The following SPAST variants were observed in gnomAD, a reference collection of about 807,000 sequenced individuals.
SPAST encodes the protein spastin, also known as spastic paraplegia 4 (autosomal dominant; spastin).
A neutral mutation model predicts 76.6 loss-of-function variants in SPAST; 30 were observed. The ratio of observed to expected loss-of-function variants is 0.39; its 90% CI spans 0.29 to 0.53. The LOEUF is 0.53. Ranked by LOEUF, SPAST falls within the 20% of genes least tolerant of loss-of-function variation. SPAST has a pLI of 0.68. For missense variants in SPAST, 717 were observed against 770.5 expected, an observed-to-expected ratio of 0.93 and a Z score of 0.82; for synonymous variants, 305 against 281.0, an observed-to-expected ratio of 1.09 and a Z score of -0.86.
chr2:32,106,889 G>GA (rs770702459), intron 4 of SPAST, among the ~76,000 whole-genome samples: 1,627 of 136,764 alleles, frequency 0.012, 14 homozygotes, highest in South Asian at 0.035. Flanking sequence ...GGCACTTACT[G>GA]AAAAAAAAAA....
chr2:32,150,858 T>C (rs1388328358), intron 16 of SPAST, among the ~76,000 whole-genome samples: 1 of 152,156 alleles, frequency 6.6e-6, no homozygotes, highest in Non-Finnish European at 1.5e-5. Flanking sequence ...CTGAGTGATT[T>C]ACAAGGAAGA....
intron 7 of SPAST, among the ~76,000 whole-genome samples, chr2:32,116,989 G>A (rs1405589690): frequency 2.0e-5 from 3 of 151,398 alleles, no homozygotes; most frequent in African/African-American, 4.8e-5. Context: ...GGCCGGGTAC[G>A]GTAGTTCACG....
chr2:32,076,139 G>C (rs1676956236), intron 1 of SPAST, among the ~76,000 whole-genome samples: 1 of 151,734 alleles, frequency 6.6e-6, no homozygotes, highest in Admixed American at 6.6e-5. Flanking sequence ...CGCCTCGTGT[G>C]ATCCACCTGC....
intron 3 of SPAST, among the ~76,000 whole-genome samples, chr2:32,092,889 C>T (rs1027676931): frequency 1.3e-5 from 2 of 152,008 alleles, no homozygotes; most frequent in Non-Finnish European, 2.9e-5. Context: ...CACCTGTAAT[C>T]CCAGCTACTC....
At chr2:32,087,182 A>G (rs1047856109) in intron 1 of SPAST, among the ~76,000 whole-genome samples, 3 of 152,196 alleles carry the variant, frequency 2.0e-5, no homozygotes, top group East Asian at 1.9e-4. Context: ...TCAAAAGTAT[A>G]TATACTTAAA....
intron 1 of SPAST, among the ~76,000 whole-genome samples, chr2:32,064,482 C>G (rs907382664): frequency 6.6e-6 from 1 of 152,188 alleles, no homozygotes; most frequent in Non-Finnish European, 1.5e-5. Context: ...CAGCCTTCCC[C>G]CACACTTCTG....
chr2:32,117,032 G>A (rs535903299), intron 7 of SPAST, among the ~76,000 whole-genome samples: 2 of 151,978 alleles, frequency 1.3e-5, no homozygotes, highest in East Asian at 2.0e-4. Flanking sequence ...AGGCTGAGGC[G>A]GGCAGATCAC....
At position 32,155,829 on chromosome 2, in the gene SPAST, T is replaced by A. The variant is rs771920374; in HGVS notation, c.*1333T>A. On this transcript the variant is annotated 3_prime_UTR_variant, in exon 17 of 17. Transcript: ENST00000315285. ...CTTTTCTCTGGTGCTTAAATGATGC[T>A]ATGTAAAATGTCATGAGTGGAAAGA... 7 of 152,576 alleles carry A rather than the reference T, an allele frequency of 4.6e-5. No homozygotes were observed. The highest frequency in any genetic ancestry group is 1.0e-4 in the Non-Finnish European group (7 of 68,038). The allele number at this position is 152,576 out of a possible 1,614,324, so 9.5% of individuals were successfully genotyped here.
chr2:32,141,787 T>C, intron 12 of SPAST, 117 bp from the exon 13 acceptor site: 1 of 753,428 alleles, frequency 1.3e-6, no homozygotes, highest in Non-Finnish European at 2.2e-6. Context: ...CATTGATAAC[T>C]ACCAAAATGC....
At chr2:32,152,715 A>G (rs1680128353) in intron 16 of SPAST, among the ~76,000 whole-genome samples, 2 of 151,058 alleles carry the variant, frequency 1.3e-5, no homozygotes, top group South Asian at 2.1e-4. Context: ...TATAGTGCTT[A>G]TGGGGTTTTC....
intron 1 of SPAST, among the ~76,000 whole-genome samples, chr2:32,066,868 G>T (rs144408976): frequency 6.6e-6 from 1 of 151,692 alleles, no homozygotes; most frequent in Non-Finnish European, 1.5e-5. Context: ...CAGCTACTTG[G>T]GGGGCTGAGG....
intron 7 of SPAST, among the ~76,000 whole-genome samples, chr2:32,121,535 CTTTTTTTT>C (rs34519148): frequency 1.9e-5 from 2 of 102,732 alleles, no homozygotes; most frequent in African/African-American, 7.5e-5. Context: ...ATCTTTCTCA[CTTTTTTTT>C]TTTTTTTTTT....
chr2:32,148,185 A>C (rs1679958623), intron 16 of SPAST, among the ~76,000 whole-genome samples: 1 of 151,960 alleles, frequency 6.6e-6, no homozygotes, highest in South Asian at 2.1e-4. Flanking sequence ...CTCCTGCCTC[A>C]GTCTCTCAGA....
At chr2:32,064,304 CGGGGGA>C in intron 1 of SPAST, 58 bp downstream of exon 1, 3 of 362,240 alleles carry the variant, frequency 8.3e-6, no homozygotes, top group Non-Finnish European at 1.5e-5. Flanking sequence ...GTGGGGTCGC[CGGGGGA>C]GGGCAACACC....
intron 3 of SPAST, among the ~76,000 whole-genome samples, chr2:32,091,277 A>G (rs892508933): frequency 3.5e-5 from 5 of 144,388 alleles, no homozygotes; most frequent in African/African-American, 1.3e-4. Flanking sequence ...TATTATTATT[A>G]TTATTATTAT....
At chr2:32,127,209 C>G in intron 8 of SPAST, 187 bp downstream of exon 8, 1 of 583,618 alleles carries the variant, frequency 1.7e-6, no homozygotes, top group Non-Finnish European at 3.1e-6. Flanking sequence ...CCTCCGCCTC[C>G]TGGGTTCAAG....
intron 1 of SPAST, among the ~76,000 whole-genome samples, chr2:32,079,354 G>GA (rs1268185474): frequency 4.0e-5 from 6 of 151,528 alleles, no homozygotes; most frequent in Non-Finnish European, 8.8e-5. Flanking sequence ...CCTGTCTTTA[G>GA]AAAAAAATTA....
chr2:32,116,451 G>A (rs926823231), intron 7 of SPAST, among the ~76,000 whole-genome samples: 3 of 152,106 alleles, frequency 2.0e-5, no homozygotes, highest in African/African-American at 7.2e-5. Context: ...GGAAAAGTGG[G>A]TAGTATGATA....
chr2:32,144,406 A>G (rs1245071378), intron 14 of SPAST, among the ~76,000 whole-genome samples: 5 of 152,238 alleles, frequency 3.3e-5, no homozygotes, highest in Non-Finnish European at 7.3e-5. Context: ...CTCTGGAGAT[A>G]GTATGCCTTA....
Sources: gnomAD v4.1 joint callset for allele counts (sites outside exome capture counted in the v4.1 genomes callset) on GRCh38, gnomAD v4.1.1 for gene constraint, MANE v1.5 for transcripts, NCBI Gene and HGNC (gene_info 2026-07-23, HGNC 2026-07-21) for gene names.